Variants in LARGE1 observed in about 807,000 individuals in gnomAD.
LARGE1 encodes LARGE xylosyl- and glucuronyltransferase 1, also known as xylosyl- and glucuronyltransferase LARGE1.
Under a neutral mutation model 87.6 loss-of-function variants are expected in LARGE1, and 43 were observed. That is an observed-to-expected ratio of 0.49 (90% confidence interval 0.38 to 0.63). The LOEUF is 0.63. Ranked by LOEUF, LARGE1 falls within the 30% of genes least tolerant of loss-of-function variation. The pLI is 0.00. For missense variants in LARGE1, 802 were observed against 1,000.2 expected (o/e 0.80, Z 2.67); for synonymous variants, 434 against 394.6 (o/e 1.10, Z -1.18).
At chr22:33,808,366 T>C (rs761186331) in intron 1 of LARGE1, among the ~76,000 whole-genome samples, 7 of 152,234 alleles carry the variant, frequency 4.6e-5, no homozygotes, top group Non-Finnish European at 1.0e-4. Context: ...CTTCTTGTTA[T>C]GTTCATCCAA....
At chr22:33,794,199 T>A (rs1298896905) in intron 1 of LARGE1, among the ~76,000 whole-genome samples, 1 of 152,160 alleles carries the variant, frequency 6.6e-6, no homozygotes, top group African/African-American at 2.4e-5. Context: ...AATTTGTGAA[T>A]AATTTGCAAA....
At chr22:33,123,752 C>T in the LARGE1 span, among the ~76,000 whole-genome samples, 1 of 152,062 alleles carries the variant, frequency 6.6e-6, no homozygotes, top group African/African-American at 2.4e-5. Context: ...AAGGGGAGAC[C>T]TTGGAAGCTC....
chr22:33,603,923 T>A (rs1032836929), intron 5 of LARGE1, among the ~76,000 whole-genome samples: 1 of 152,218 alleles, frequency 6.6e-6, no homozygotes, highest in African/African-American at 2.4e-5. Flanking sequence ...AGTGTCTTTT[T>A]AAAGCACATT....
chr22:33,842,195 G>A (rs573826189), intron 1 of LARGE1, among the ~76,000 whole-genome samples: 2 of 152,236 alleles, frequency 1.3e-5, no homozygotes, highest in South Asian at 2.1e-4. Flanking sequence ...CTACACGGAC[G>A]TAAAGCACCG....
intron 10 of LARGE1, among the ~76,000 whole-genome samples, chr22:33,335,100 C>A (rs141331236): frequency 1.3e-5 from 2 of 152,254 alleles, no homozygotes; most frequent in African/African-American, 4.8e-5. Flanking sequence ...TTTATGGGAG[C>A]CTTCTCCATG....
chr22:33,537,715 T>A (rs972656042), intron 6 of LARGE1, among the ~76,000 whole-genome samples: 6 of 152,096 alleles, frequency 3.9e-5, no homozygotes, highest in Non-Finnish European at 2.9e-5. Flanking sequence ...TACAGGCACA[T>A]GCCACCATGC....
intron 11 of LARGE1, among the ~76,000 whole-genome samples, chr22:33,250,906 T>C (rs1011259603): frequency 6.6e-6 from 1 of 152,230 alleles, no homozygotes; most frequent in Non-Finnish European, 1.5e-5. Context: ...GCCAATATTT[T>C]GTTTAGGATT....
At chr22:33,889,768 AGAG>A (rs1166244121) in intron 1 of LARGE1, among the ~76,000 whole-genome samples, 1 of 152,222 alleles carries the variant, frequency 6.6e-6, no homozygotes, top group Non-Finnish European at 1.5e-5. Flanking sequence ...ACCAGAAGAT[AGAG>A]GAGGGGAGAA....
At chr22:33,841,154 T>C (rs1424967658) in intron 1 of LARGE1, among the ~76,000 whole-genome samples, 3 of 152,178 alleles carry the variant, frequency 2.0e-5, no homozygotes, top group African/African-American at 7.2e-5. Context: ...ATTTTGAACT[T>C]GATATTTTCA....
intron 5 of LARGE1, among the ~76,000 whole-genome samples, chr22:33,593,156 A>T (rs1013292829): frequency 2.6e-4 from 38 of 144,224 alleles, no homozygotes; most frequent in African/African-American, 9.9e-4. Flanking sequence ...TGTTTTTAAA[A>T]TTTTTTTAAG....
chr22:33,563,865 C>T (rs1222335089), intron 6 of LARGE1, among the ~76,000 whole-genome samples: 1 of 152,128 alleles, frequency 6.6e-6, no homozygotes, highest in South Asian at 2.1e-4. Context: ...CCTCAATTAG[C>T]CCAGAGCTCA....
intron 1 of LARGE1, among the ~76,000 whole-genome samples, chr22:33,881,491 G>A (rs888085916): frequency 1.3e-5 from 2 of 152,166 alleles, no homozygotes; most frequent in South Asian, 2.1e-4. Context: ...TCAAATGTGG[G>A]TAATAACTTG....
intron 4 of LARGE1, among the ~76,000 whole-genome samples, chr22:33,609,165 C>T (rs1389088960): frequency 6.6e-6 from 1 of 152,170 alleles, no homozygotes; most frequent in Admixed American, 6.5e-5. Context: ...GATGAATGAG[C>T]TACGAGTGTT....
chr22:33,631,161 A>AC (rs964121285), intron 3 of LARGE1, among the ~76,000 whole-genome samples: 4 of 148,174 alleles, frequency 2.7e-5, no homozygotes, highest in Admixed American at 2.0e-4. Context: ...CCAACTGTCT[A>AC]TTTTTTTTTT....
At chr22:33,748,154 A>G (rs994195448) in intron 2 of LARGE1, among the ~76,000 whole-genome samples, 17 of 128,656 alleles carry the variant, frequency 1.3e-4, no homozygotes, top group African/African-American at 5.8e-4. Context: ...TTTTTTTTAG[A>G]CAGAGTCTCA....
chr22:33,145,477 G>A, the LARGE1 span, among the ~76,000 whole-genome samples: 1 of 152,190 alleles, frequency 6.6e-6, no homozygotes, highest in Non-Finnish European at 1.5e-5. Context: ...TGGGTCTCAT[G>A]AGGAATGGTA....
intron 11 of LARGE1, among the ~76,000 whole-genome samples, chr22:33,216,355 G>A (rs886748701): frequency 6.6e-6 from 1 of 152,186 alleles, no homozygotes; most frequent in East Asian, 1.9e-4. Context: ...GGGGCTGGGC[G>A]TGGTGGCTCA....
intron 6 of LARGE1, among the ~76,000 whole-genome samples, chr22:33,453,414 CA>C (rs550428324): frequency 0.015 from 1,910 of 127,202 alleles, 18 homozygotes; most frequent in African/African-American, 0.043. Flanking sequence ...GACTCCATCT[CA>C]AAAAAAAAAA....
At chr22:33,535,271 C>CGGTG (rs1239059644) in intron 6 of LARGE1, among the ~76,000 whole-genome samples, 4 of 152,156 alleles carry the variant, frequency 2.6e-5, no homozygotes, top group Non-Finnish European at 5.9e-5. Context: ...AGGCCAGGCG[C>CGGTG]GGTGGCTCAT....
Sources: gnomAD v4.1 joint callset for allele counts (sites outside exome capture counted in the v4.1 genomes callset) on GRCh38, gnomAD v4.1.1 for gene constraint, MANE v1.5 for transcripts, NCBI Gene and HGNC (gene_info 2026-07-23, HGNC 2026-07-21) for gene names.